NTRK3: variants seen among roughly 807,000 people sequenced by gnomAD.
The protein encoded by NTRK3 is neurotrophic receptor tyrosine kinase 3, also known as NT-3 growth factor receptor.
A neutral mutation model predicts 91.7 loss-of-function variants in NTRK3; 24 were observed. The observed-to-expected ratio is 0.26, with a 90% confidence interval of 0.19 to 0.37. The LOEUF (loss-of-function observed/expected upper bound fraction) is 0.37. Ranked by LOEUF, NTRK3 falls within the 10% of genes least tolerant of loss-of-function variation. The pLI is 1.00. For synonymous variants in NTRK3, 483 were observed against 404.0 expected (o/e 1.20, Z -2.34); for missense variants, 880 against 1,068.9 (o/e 0.82, Z 2.46).
At chr15:88,191,407 C>A (rs1181199188) in intron 3 of NTRK3, among the ~76,000 whole-genome samples, 1 of 152,152 alleles carries the variant, frequency 6.6e-6, no homozygotes, top group South Asian at 2.1e-4. Context: ...AGGCTGGTTG[C>A]GAAATCCTGG....
At chr15:87,878,651 C>T (rs2065064984) in intron 18 of NTRK3, among the ~76,000 whole-genome samples, 1 of 152,170 alleles carries the variant, frequency 6.6e-6, no homozygotes, top group South Asian at 2.1e-4. Flanking sequence ...CATGGAGAAA[C>T]CGATGATCAG....
At chr15:88,141,260 G>A (rs1405524203) in intron 6 of NTRK3, among the ~76,000 whole-genome samples, 3 of 152,138 alleles carry the variant, frequency 2.0e-5, no homozygotes, top group African/African-American at 4.8e-5. Flanking sequence ...AAAATGAGAC[G>A]AACATAATAG....
intron 17 of NTRK3, chr15:87,908,509 C>T (rs2066902361): frequency 2.5e-6 from 1 of 399,746 alleles, no homozygotes; most frequent in Admixed American, 4.4e-5. Context: ...GCCGTTGCTG[C>T]TAGCCTCTGC....
chr15:88,185,615 C>A (rs2046879839), intron 3 of NTRK3, among the ~76,000 whole-genome samples: 1 of 152,118 alleles, frequency 6.6e-6, no homozygotes, highest in African/African-American at 2.4e-5. Context: ...TGATCAGTGG[C>A]CATGAATTCT....
At chr15:88,097,879 G>C (rs1174580381) in intron 13 of NTRK3, among the ~76,000 whole-genome samples, 2 of 152,186 alleles carry the variant, frequency 1.3e-5, no homozygotes, top group Non-Finnish European at 2.9e-5. Context: ...GCTAGCACAA[G>C]GGTGATTTAC....
chr15:88,090,871 T>A (rs2150753293), intron 13 of NTRK3, among the ~76,000 whole-genome samples: 1 of 152,198 alleles, frequency 6.6e-6, no homozygotes, highest in South Asian at 2.1e-4. Flanking sequence ...AAGCACGGTT[T>A]CCAGGACAAC....
At chr15:87,957,162 G>A (rs1024676185) in intron 14 of NTRK3, among the ~76,000 whole-genome samples, 1 of 130,106 alleles carries the variant, frequency 7.7e-6, no homozygotes, top group African/African-American at 3.0e-5. Flanking sequence ...TTCCTTAGCT[G>A]TAAAATGGTA....
chr15:87,891,136 A>G (rs142765314), intron 17 of NTRK3, among the ~76,000 whole-genome samples: 59 of 152,288 alleles, frequency 3.9e-4, no homozygotes, highest in African/African-American at 1.2e-3. Flanking sequence ...GAGTTTCAAA[A>G]TAACAGTTCA....
intron 3 of NTRK3, among the ~76,000 whole-genome samples, chr15:88,248,585 A>C (rs1170669429): frequency 6.6e-6 from 1 of 152,182 alleles, no homozygotes; most frequent in African/African-American, 2.4e-5. Flanking sequence ...AGAGTATTGC[A>C]AAAGAGCATA....
chr15:88,052,240 G>A (rs1298461269), intron 13 of NTRK3, among the ~76,000 whole-genome samples: 1 of 152,110 alleles, frequency 6.6e-6, no homozygotes, highest in Non-Finnish European at 1.5e-5. Context: ...CTCAACACAG[G>A]GATCCATCAC....
chr15:87,925,955 A>C (rs542354106), intron 17 of NTRK3, among the ~76,000 whole-genome samples: 2 of 152,356 alleles, frequency 1.3e-5, no homozygotes, highest in East Asian at 3.9e-4. Context: ...TTATCCAGTA[A>C]GTATTGTACT....
Position 88,237,936 on chromosome 15 carries a change from C to T in NTRK3, c.248+17970G>A, listed in dbSNP as rs1449236017. Reference sequence around the variant, plus strand: ...TTTGTTGAAGTCCTAACCCCCAGTACCTCGGAATGTAACTGTATTTGGAGA... The same window carrying T: ...TTTGTTGAAGTCCTAACCCCCAGTATCTCGGAATGTAACTGTATTTGGAGA... On this transcript the variant is annotated intron_variant, in intron 3 of 18. Transcript: ENST00000394480. This position sits in a 1 kb window ranked among gnomAD's most constrained non-coding sequence, Gnocchi z 4.0. Among the ~76,000 whole-genome samples, 9 of 152,112 alleles carry T rather than the reference C, an allele frequency of 5.9e-5. No homozygotes were observed. The highest frequency in any genetic ancestry group is 1.2e-4 in the Non-Finnish European group (8 of 68,026).
At position 88,032,843 on chromosome 15, in the gene NTRK3, A is replaced by G; in HGVS notation, c.1585+14T>C. On this transcript the variant is annotated intron_variant, in intron 14 of 18. Transcript: ENST00000394480. ...CCCTCCCCAGGAGGGAGAGCATTCC[A>G]TCCCAGTACTTACACGTGTCCGGCT... is the stretch of plus-strand genomic sequence containing the variant. 2 of 1,613,454 alleles carry G rather than the reference A, an allele frequency of 1.2e-6. No individual in the cohort carries two copies. Among genetic ancestry groups the G allele is most frequent in the South Asian group, 2.2e-5 (2 of 91,010 alleles).
At chr15:88,121,729 G>A (rs2052727039) in intron 13 of NTRK3, among the ~76,000 whole-genome samples, 1 of 152,198 alleles carries the variant, frequency 6.6e-6, no homozygotes, top group African/African-American at 2.4e-5. Context: ...GGGACCTCCA[G>A]GGCCCTGCTC....
intron 14 of NTRK3, among the ~76,000 whole-genome samples, chr15:87,947,621 C>T (rs1411333412): frequency 6.6e-6 from 1 of 151,838 alleles, no homozygotes; most frequent in Non-Finnish European, 1.5e-5. Context: ...CAGGCTCACC[C>T]ATTACAAGGT....
chr15:88,136,705 C>T, intron 7 of NTRK3, 96 bp from the exon 8 acceptor site: 1 of 1,469,806 alleles, frequency 6.8e-7, no homozygotes, highest in Non-Finnish European at 9.2e-7. Context: ...TCTTGCCTTG[C>T]CCAGTAATGA....
intron 13 of NTRK3, among the ~76,000 whole-genome samples, chr15:88,125,327 C>T (rs1159399771): frequency 1.3e-5 from 2 of 152,180 alleles, no homozygotes; most frequent in African/African-American, 4.8e-5. Flanking sequence ...AGTCCCTAAG[C>T]CCCAAGGTCC....
intron 3 of NTRK3, among the ~76,000 whole-genome samples, chr15:88,215,888 T>C (rs1051232881): frequency 6.6e-6 from 1 of 152,226 alleles, no homozygotes; most frequent in African/African-American, 2.4e-5. Flanking sequence ...GTTCTTTCCC[T>C]GGATCTAGGC....
chr15:88,203,085 C>T (rs1197413367), intron 3 of NTRK3, among the ~76,000 whole-genome samples: 1 of 152,166 alleles, frequency 6.6e-6, no homozygotes, highest in Admixed American at 6.5e-5. Context: ...GGGCTTAATA[C>T]CCCAGGAGCA....
Sources: allele counts gnomAD v4.1 joint callset (sites outside exome capture counted in the v4.1 genomes callset), GRCh38; gene constraint gnomAD v4.1.1; non-coding constraint Gnocchi (gnomAD v3.1); transcripts MANE v1.5; gene names NCBI Gene and HGNC (gene_info 2026-07-23, HGNC 2026-07-21).